The following RORA variants were observed in gnomAD, a reference collection of about 807,000 sequenced individuals.
RORA encodes the protein RAR related orphan receptor A.
Under a neutral mutation model 69.5 loss-of-function variants are expected in RORA, and 7 were observed. The ratio of observed to expected loss-of-function variants is 0.10; its 90% CI spans 0.06 to 0.19. The LOEUF (loss-of-function observed/expected upper bound fraction) is 0.19. Ranked by LOEUF, RORA falls within the 10% of genes least tolerant of loss-of-function variation. The pLI is 1.00. For synonymous variants in RORA, 261 were observed against 240.8 expected, an observed-to-expected ratio of 1.08 and a Z score of -0.78; for missense variants, 457 against 663.0, an observed-to-expected ratio of 0.69 and a Z score of 3.41.
chr15:61,000,783 G>T (rs1343101231), intron 1 of RORA, among the ~76,000 whole-genome samples: 1 of 152,206 alleles, frequency 6.6e-6, no homozygotes, highest in African/African-American at 2.4e-5. Context: ...GCCATTTCCA[G>T]AGGGAGATCA....
At chr15:60,627,611 G>T (rs1184332903) in intron 2 of RORA, 2 of 1,051,198 alleles carry the variant, frequency 1.9e-6, no homozygotes, top group Admixed American at 4.0e-5. Context: ...AAATTCCAAA[G>T]CTGGGCTCCT....
Position 61,066,205 on chromosome 15 carries a change from A to T in RORA, c.166+162848T>A, listed in dbSNP as rs893516670. Among the ~76,000 whole-genome samples, 4 of 152,270 alleles carry T rather than the reference A, an allele frequency of 2.6e-5. No individual in the cohort carries two copies. In the East Asian group the frequency reaches 7.7e-4, roughly 29 times the overall value. On this transcript the variant is annotated intron_variant, in intron 1 of 10. Coordinates refer to ENST00000335670, the MANE Select transcript of RORA (RefSeq NM_134261.3). ...AACTTTTAACAAACACAGCCTAATG[A>T]TTCCATGGTGGTAGACAGGCATTGT...
intron 1 of RORA, among the ~76,000 whole-genome samples, chr15:60,932,044 T>A (rs1892390033): frequency 6.6e-6 from 1 of 152,102 alleles, no homozygotes. Context: ...TTTTTTTTTT[T>A]AAATGAAGAT....
At chr15:61,125,084 A>G (rs746200115) in intron 1 of RORA, among the ~76,000 whole-genome samples, 19 of 152,348 alleles carry the variant, frequency 1.2e-4, no homozygotes, top group East Asian at 1.9e-4. Context: ...TGTGATTGCA[A>G]TGTTGGTGGT....
chr15:60,566,873 G>A (rs2067727152), intron 2 of RORA, among the ~76,000 whole-genome samples: 1 of 152,102 alleles, frequency 6.6e-6, no homozygotes, highest in African/African-American at 2.4e-5. Flanking sequence ...CTCAATATAA[G>A]GATGGAAAGT....
rs116977716 is a variant in RORA at position 60,578,336 on chromosome 15, C to T, written c.197-46485G>A. ...ATGTTGATTAATATCACTACCCATACCATCAGAAAAGTTTTTAAGTATTGG... is the reference window on the plus strand; with the variant it reads ...ATGTTGATTAATATCACTACCCATATCATCAGAAAAGTTTTTAAGTATTGG... On this transcript the variant is annotated intron_variant, in intron 2 of 10. Transcript: ENST00000335670. Among the ~76,000 whole-genome samples, 330 of 152,236 alleles carry T rather than the reference C, an allele frequency of 2.2e-3. 1 individual carries two copies. Among genetic ancestry groups the T allele is most frequent in the South Asian group, 3.7e-3 (18 of 4,818 alleles).
At chr15:60,846,939 T>C (rs1388235652) in intron 1 of RORA, among the ~76,000 whole-genome samples, 1 of 152,232 alleles carries the variant, frequency 6.6e-6, no homozygotes, top group Non-Finnish European at 1.5e-5. Flanking sequence ...AATATCACTG[T>C]AAAAATCTAA....
intron 1 of RORA, among the ~76,000 whole-genome samples, chr15:60,878,538 C>T (rs16943268): frequency 0.09 from 13,717 of 152,082 alleles, 1,160 homozygotes; most frequent in African/African-American, 0.22. Flanking sequence ...CCACCTTGAT[C>T]TTTTGAGGCT....
At chr15:60,978,999 T>C (rs961935532) in intron 1 of RORA, among the ~76,000 whole-genome samples, 3 of 127,312 alleles carry the variant, frequency 2.4e-5, no homozygotes, top group Non-Finnish European at 4.7e-5. Context: ...TCTTGCTCAG[T>C]AGCCCAGGCT....
chr15:60,956,880 T>C (rs1250958017), intron 1 of RORA, among the ~76,000 whole-genome samples: 1 of 152,238 alleles, frequency 6.6e-6, no homozygotes, highest in East Asian at 1.9e-4. Flanking sequence ...CTGGAGGTCC[T>C]CCGTGTGAGT....
chr15:61,063,108 C>T (rs1006601686), intron 1 of RORA, among the ~76,000 whole-genome samples: 10 of 152,308 alleles, frequency 6.6e-5, no homozygotes, highest in African/African-American at 2.4e-4. Flanking sequence ...GCCAGGCTGG[C>T]CCTGTGAAGC....
chr15:60,597,553 TATATATATATATATATATATAC>T (rs2068701902), intron 2 of RORA, among the ~76,000 whole-genome samples: 2 of 23,180 alleles, frequency 8.6e-5, no homozygotes, highest in Non-Finnish European at 1.4e-4. Context: ...ACACACAACA[TATATATATATATATATATATAC>T]ACATATATAT....
At chr15:60,519,414 T>C (rs369401793) in intron 3 of RORA, among the ~76,000 whole-genome samples, 1 of 152,326 alleles carries the variant, frequency 6.6e-6, no homozygotes, top group South Asian at 2.1e-4. Flanking sequence ...GAGTCCTCGC[T>C]GTAGCATGGG....
intron 1 of RORA, among the ~76,000 whole-genome samples, chr15:60,849,308 A>C (rs1336860262): frequency 6.6e-6 from 1 of 152,244 alleles, no homozygotes; most frequent in Admixed American, 6.5e-5. Context: ...TGGTTGAATG[A>C]AGAAAGGCAT....
intron 2 of RORA, among the ~76,000 whole-genome samples, chr15:60,562,802 C>G (rs2140428662): frequency 6.6e-6 from 1 of 152,172 alleles, no homozygotes; most frequent in Non-Finnish European, 1.5e-5. Context: ...CTCTCAAACT[C>G]CTGGGCTTAA....
At chr15:60,776,558 A>T (rs1372904266) in intron 1 of RORA, among the ~76,000 whole-genome samples, 2 of 152,162 alleles carry the variant, frequency 1.3e-5, no homozygotes, top group African/African-American at 4.8e-5. Context: ...GCTCCTTTTA[A>T]ATTATGCAAA....
At chr15:60,549,973 G>C (rs574293749) in intron 2 of RORA, among the ~76,000 whole-genome samples, 1 of 152,286 alleles carries the variant, frequency 6.6e-6, no homozygotes, top group South Asian at 2.1e-4. Flanking sequence ...TTGTCTATAT[G>C]TGAGCTGCTT....
At chr15:60,945,980 A>G (rs2140328057) in intron 1 of RORA, among the ~76,000 whole-genome samples, 1 of 152,250 alleles carries the variant, frequency 6.6e-6, no homozygotes, top group Middle Eastern at 3.4e-3. Context: ...CAGGTTCCCC[A>G]CCCTGAGTTC....
At chr15:60,575,500 G>A (rs150992476) in intron 2 of RORA, among the ~76,000 whole-genome samples, 33 of 152,148 alleles carry the variant, frequency 2.2e-4, no homozygotes, top group African/African-American at 8.0e-4. Flanking sequence ...CCAAAGTCGA[G>A]TCTAGAGAAT....
Sources: gnomAD v4.1 joint callset for allele counts (sites outside exome capture counted in the v4.1 genomes callset) on GRCh38, gnomAD v4.1.1 for gene constraint, MANE v1.5 for transcripts, NCBI Gene and HGNC (gene_info 2026-07-23, HGNC 2026-07-21) for gene names.